Variants in DBNDD1 observed in about 807,000 individuals in gnomAD.
DBNDD1 encodes dysbindin domain containing 1.
In DBNDD1, 14 loss-of-function variants were observed where a neutral mutation model predicts 17.0. The observed-to-expected ratio is 0.82, with a 90% CI of 0.54 to 1.29. The LOEUF is 1.29. DBNDD1 is among the 50% of genes most tolerant of loss of function. The pLI, the probability that DBNDD1 is intolerant of heterozygous loss-of-function variation, is 0.00. For missense variants in DBNDD1, 221 were observed against 216.2 expected, an observed-to-expected ratio of 1.02 and a Z score of -0.14; for synonymous variants, 105 against 102.0, an observed-to-expected ratio of 1.03 and a Z score of -0.18.
Position 90,019,335 on chromosome 16 carries a change from G to A in DBNDD1, c.7C>T (p.Pro3Ser), listed in dbSNP as rs955584943. ...CCTCCGGTGCCGGCGCCCTCCGGGG[G>A]CTCCATGCGGCCGGTGCGGTCTGGG... ME[P>S]PEGAGTGEIV... Residue 3 changes from proline (P) to serine (S), a missense_variant, in exon 1 of 4, where the codon CCC becomes TCC. Transcript: ENST00000002501. This position sits in a 1 kb window ranked among gnomAD's most constrained non-coding sequence, Gnocchi z 6.1. The A allele has an allele frequency of 1.6e-6, 2 of 1,218,850 alleles. No homozygotes were observed. Among genetic ancestry groups the A allele is most frequent in the Non-Finnish European group, 2.0e-6 (2 of 979,492 alleles). The allele number at this position is 1,218,850 out of a possible 1,614,324, so 75.5% of individuals were successfully genotyped here. A position where few individuals can be genotyped will look rare whatever the true frequency, so the allele number is the denominator to read the frequency against.
chr16:90,009,259 G>A (rs1194249967), intron 2 of DBNDD1, 25 bp downstream of exon 2: 2 of 1,610,988 alleles, frequency 1.2e-6, no homozygotes, highest in Non-Finnish European at 1.7e-6. Flanking sequence ...CCCATAGCGT[G>A]CGCTGGGCAG....
Position 90,019,274 on chromosome 16 carries a change from G to A in DBNDD1, c.31+37C>T, listed in dbSNP as rs2151267673. ...GGGCTGCGGCTCGCTGCGGGGAAGC[G>A]CTGCGCGGGGGTCTCGGGGGCTGGG... On this transcript the variant is annotated intron_variant, in intron 1 of 3. Coordinates refer to ENST00000002501, the MANE Select transcript of DBNDD1 (RefSeq NM_001042610.3). This position sits in a 1 kb window ranked among gnomAD's most constrained non-coding sequence, Gnocchi z 6.1. The A allele has an allele frequency of 4.3e-6, 5 of 1,163,940 alleles. No individual in the cohort carries two copies. Among genetic ancestry groups the A allele is most frequent in the South Asian group, 4.3e-5 (1 of 23,262 alleles). 72.1% of individuals were successfully genotyped at this position (1,163,940 alleles called of 1,614,324 possible). A position where few individuals can be genotyped will look rare whatever the true frequency, so the allele number is the denominator to read the frequency against.
At chr16:90,010,285 C>T (rs1005688465) in intron 1 of DBNDD1, 2 of 388,586 alleles carry the variant, frequency 5.1e-6, no homozygotes, top group East Asian at 1.1e-4. Flanking sequence ...GGTGATCCGC[C>T]CGCCTCAGCC....
At chr16:90,006,944 G>A (rs1476589665) in intron 3 of DBNDD1, 2 of 162,110 alleles carry the variant, frequency 1.2e-5, no homozygotes, top group African/African-American at 4.8e-5. Flanking sequence ...GTGTGTCCCC[G>A]GCCTCTTGGA....
At chr16:90,010,871 C>A (rs769972722) in intron 1 of DBNDD1, among the ~76,000 whole-genome samples, 1 of 152,244 alleles carries the variant, frequency 6.6e-6, no homozygotes, top group Non-Finnish European at 1.5e-5. Flanking sequence ...TGGGTGCATG[C>A]CCCCCTTTGG....
intron 1 of DBNDD1, among the ~76,000 whole-genome samples, chr16:90,011,418 G>C (rs530201314): frequency 6.6e-6 from 1 of 152,372 alleles, no homozygotes; most frequent in South Asian, 2.1e-4. Flanking sequence ...AGGGGCACCG[G>C]TGCAGGGCTG....
At chr16:90,013,708 C>T (rs2035593542) in intron 1 of DBNDD1, among the ~76,000 whole-genome samples, 1 of 152,202 alleles carries the variant, frequency 6.6e-6, no homozygotes, top group South Asian at 2.1e-4. Flanking sequence ...TAGACGAAGG[C>T]TCTGATTCAT....
chr16:90,019,833 G>T, upstream of DBNDD1: 1 of 688,588 alleles, frequency 1.5e-6, no homozygotes, highest in Non-Finnish European at 2.6e-6. The surrounding 1 kb of genome is among the most constrained non-coding windows in gnomAD (Gnocchi z 6.1). Context: ...GGCACAGGAG[G>T]GGCCTGACTC....
chr16:90,014,025 A>T (rs995216189), intron 1 of DBNDD1, among the ~76,000 whole-genome samples: 1 of 152,202 alleles, frequency 6.6e-6, no homozygotes, highest in Admixed American at 6.5e-5. Context: ...GGTCGTGTGG[A>T]GATCGTCAGG....
chr16:90,006,355 CCA>C lies in DBNDD1; in HGVS notation c.455_456del (p.Val152GlyfsTer124). ...QATVLDTFLT[V>X]ERPQED Reference sequence around the variant, plus strand: ...ATGGTCTAGTCCTCCTGGGGCCTCTCCACAGTGAGAAACGTGTCCAGGACTGT... The same window carrying C: ...ATGGTCTAGTCCTCCTGGGGCCTCTCCAGTGAGAAACGTGTCCAGGACTGT... On this transcript the variant is annotated frameshift_variant, in exon 4 of 4. Transcript: ENST00000002501. LOFTEE classifies it high-confidence loss of function. 6.2e-7 allele frequency: 1 copy of C among 1,609,220 alleles called. No individual in the cohort carries two copies. The highest frequency in any genetic ancestry group is 8.5e-7 in the Non-Finnish European group (1 of 1,179,272).
chr16:90,005,881 G>A lies in DBNDD1; in HGVS notation c.*454C>T, dbSNP rs117029182. The A allele has an allele frequency of 3.9e-3, 638 of 165,406 alleles. 1 individual carries two copies. The highest frequency in any genetic ancestry group is 7.0e-3 in the Non-Finnish European group (521 of 74,762). 10.2% of individuals were successfully genotyped at this position (165,406 alleles called of 1,614,324 possible). On this transcript the variant is annotated 3_prime_UTR_variant, in exon 4 of 4. Coordinates refer to ENST00000002501, the MANE Select transcript of DBNDD1 (RefSeq NM_001042610.3). ...CCGCCTCTGGCTTCTGAGCTTGGCA[G>A]CACAGGAAAACGCGGAGGTTGGAGC... is the stretch of plus-strand genomic sequence containing the variant.
At position 90,009,319 on chromosome 16, in the gene DBNDD1, G is replaced by T. The variant is rs758725253; in HGVS notation, c.143C>A (p.Pro48Gln). Residue 48 changes from proline (P) to glutamine (Q), a missense_variant, in exon 2 of 4, where the codon CCA (proline) becomes CAA (glutamine). By Grantham distance (76) the Pro-to-Gln change is moderately conservative. Coordinates refer to ENST00000002501, the MANE Select transcript of DBNDD1 (RefSeq NM_001042610.3). ...CGTGACCTGCAGGAGCCCCGGTGCT[G>T]GTACTGGGATGCCCCCGACCTCCTC... ...VEEEVGGIPV[P>Q]APGLLQVTER... The T allele has an allele frequency of 9.9e-6, 16 of 1,613,456 alleles. No homozygotes were observed. The highest frequency in any genetic ancestry group is 1.3e-5 in the Non-Finnish European group (15 of 1,179,996).
chr16:90,016,323 TCAA>T (rs1342820559), intron 1 of DBNDD1, among the ~76,000 whole-genome samples: 1 of 152,162 alleles, frequency 6.6e-6, no homozygotes, highest in Non-Finnish European at 1.5e-5. Context: ...TGACACCCTC[TCAA>T]CAAGCTTGTA....
chr16:90,006,613 A>G (rs1279507259), intron 3 of DBNDD1, 121 bp from the exon 4 acceptor site: 1 of 1,291,124 alleles, frequency 7.7e-7, no homozygotes, highest in Non-Finnish European at 1.1e-6. Context: ...AGCCCCCTGC[A>G]CCAGGCATGC....
At chr16:90,009,180 AC>A in intron 2 of DBNDD1, 103 bp downstream of exon 2, 16 of 1,501,498 alleles carry the variant, frequency 1.1e-5, no homozygotes, top group Non-Finnish European at 1.3e-5. Flanking sequence ...CCGGACCTAG[AC>A]CCCCCAGGGA....
At chr16:90,015,353 T>C (rs114389595) in intron 1 of DBNDD1, among the ~76,000 whole-genome samples, 1,773 of 152,328 alleles carry the variant, frequency 0.012, 19 homozygotes, top group African/African-American at 0.028. Context: ...CTATAAGGCA[T>C]GCTCGTGGGT....
At chr16:90,008,995 G>A in intron 2 of DBNDD1, 71 bp from the exon 3 acceptor site, 1 of 1,470,438 alleles carries the variant, frequency 6.8e-7, no homozygotes, top group Non-Finnish European at 9.0e-7. Context: ...GGGGGTCTAG[G>A]AGAGAGTGTG....
In DBNDD1 at chr16:90,019,165, G is replaced by T; in HGVS notation, c.31+146C>A. The T allele has an allele frequency of 2.8e-6, 1 of 355,340 alleles. No individual in the cohort carries two copies. The highest frequency in any genetic ancestry group is 4.4e-5 in the East Asian group (1 of 22,936). 22.0% of individuals were successfully genotyped at this position (355,340 alleles called of 1,614,324 possible). A position where few individuals can be genotyped will look rare whatever the true frequency, so the allele number is the denominator to read the frequency against. On this transcript the variant is annotated intron_variant, in intron 1 of 3. Coordinates refer to ENST00000002501, the MANE Select transcript of DBNDD1 (RefSeq NM_001042610.3). This position sits in a 1 kb window ranked among gnomAD's most constrained non-coding sequence, Gnocchi z 6.1. ...CGCGCGGGGACCGCGCCCGGGAGGT[G>T]CCCCTGGCCCGCCGGACGACCCCGA...
intron 1 of DBNDD1, among the ~76,000 whole-genome samples, chr16:90,010,713 T>C (rs2035538912): frequency 6.6e-6 from 1 of 152,142 alleles, no homozygotes. Flanking sequence ...GCCGGGGACA[T>C]TGGCGAGTCT....
Sources: allele counts gnomAD v4.1 joint callset (sites outside exome capture counted in the v4.1 genomes callset), GRCh38; gene constraint gnomAD v4.1.1; non-coding constraint Gnocchi (gnomAD v3.1); transcripts MANE v1.5; gene names NCBI Gene and HGNC (gene_info 2026-07-23, HGNC 2026-07-21).